The following MARCHF10 variants were observed in gnomAD, a reference collection of about 807,000 sequenced individuals.
The protein encoded by MARCHF10 is probable E3 ubiquitin-protein ligase MARCHF10.
In MARCHF10, 64 loss-of-function variants were observed where a neutral mutation model predicts 76.2. The observed-to-expected ratio is 0.84, with a 90% CI of 0.69 to 1.03. The LOEUF is 1.03. Among genes scored for constraint, MARCHF10 ranks in the 50% least tolerant of loss-of-function variants. The pLI is 0.00. For missense variants in MARCHF10, 875 were observed against 958.0 expected (o/e 0.91, Z 1.14); for synonymous variants, 340 against 357.5 (o/e 0.95, Z 0.55).
chr17:62,703,012 C>T (rs2089342913), intron 10 of MARCHF10, among the ~76,000 whole-genome samples: 1 of 152,204 alleles, frequency 6.6e-6, no homozygotes, highest in Admixed American at 6.5e-5. Flanking sequence ...CACCCCTTGT[C>T]TTGGTGACAC....
intron 4 of MARCHF10, among the ~76,000 whole-genome samples, chr17:62,755,605 C>G (rs937438501): frequency 6.6e-6 from 1 of 152,186 alleles, no homozygotes; most frequent in East Asian, 1.9e-4. Context: ...CCTACACCAG[C>G]GTTCATGATG....
chr17:62,764,561 TA>T (rs1300143972), intron 3 of MARCHF10, among the ~76,000 whole-genome samples: 1 of 152,188 alleles, frequency 6.6e-6, no homozygotes, highest in African/African-American at 2.4e-5. Context: ...CCTCAACCTT[TA>T]AACAGTGACA....
chr17:62,732,764 G>A (rs1388199762), intron 6 of MARCHF10, among the ~76,000 whole-genome samples: 1 of 152,022 alleles, frequency 6.6e-6, no homozygotes, highest in Non-Finnish European at 1.5e-5. Context: ...GGGATGAGGC[G>A]GGCTGATTGT....
At chr17:62,773,923 CAGA>C (rs963857895) in intron 3 of MARCHF10, among the ~76,000 whole-genome samples, 1 of 152,106 alleles carries the variant, frequency 6.6e-6, no homozygotes, top group Non-Finnish European at 1.5e-5. Flanking sequence ...GGATATGAGG[CAGA>C]AGATGATGGA....
chr17:62,742,526 G>T (rs1348022331), intron 5 of MARCHF10, among the ~76,000 whole-genome samples: 1 of 152,104 alleles, frequency 6.6e-6, no homozygotes, highest in Non-Finnish European at 1.5e-5. Context: ...GGGAGATAAG[G>T]AGCCACGGGT....
chr17:62,713,793 T>C (rs1599056596), intron 8 of MARCHF10, among the ~76,000 whole-genome samples: 1 of 151,816 alleles, frequency 6.6e-6, no homozygotes, highest in East Asian at 1.9e-4. Flanking sequence ...GAGTTCCCTT[T>C]GTGTGCCAGA....
intron 3 of MARCHF10, among the ~76,000 whole-genome samples, chr17:62,770,224 A>T (rs1422422306): frequency 6.6e-6 from 1 of 152,134 alleles, no homozygotes; most frequent in Non-Finnish European, 1.5e-5. Context: ...ACTGTGTAGT[A>T]CTCCATAGTG....
Position 62,722,557 on chromosome 17 carries a change from C to G in MARCHF10, c.2145G>C (p.Lys715Asn). Reference protein sequence around the residue: ...LGAVKTCEMCKQGLLVDLGDF... With the variant: ...LGAVKTCEMCNQGLLVDLGDF... ...CACCCAGGTCAACCAGCAGGCCTTGCTTACACATCTCACAGGTCTTCACGG... is the reference window on the plus strand; with the variant it reads ...CACCCAGGTCAACCAGCAGGCCTTGGTTACACATCTCACAGGTCTTCACGG... The change falls in exon 8 of 11, where the codon AAG (lysine) becomes AAC (asparagine). Residue 715 changes from lysine (K) to asparagine (N), a missense_variant. By Grantham distance (94) the Lys-to-Asn change is moderately conservative. Transcript: ENST00000311269. The G allele has an allele frequency of 6.2e-7, 1 of 1,613,960 alleles. No homozygotes were observed.
intron 1 of MARCHF10, among the ~76,000 whole-genome samples, chr17:62,803,928 A>G (rs1216731770): frequency 6.6e-6 from 1 of 152,152 alleles, no homozygotes; most frequent in African/African-American, 2.4e-5. Flanking sequence ...CTAGATCTCT[A>G]TTTCGCAGGT....
intron 3 of MARCHF10, among the ~76,000 whole-genome samples, chr17:62,764,658 C>CA (rs1599273346): frequency 6.6e-6 from 1 of 152,296 alleles, no homozygotes; most frequent in East Asian, 1.9e-4. Flanking sequence ...GCTTCAAACA[C>CA]AAAAACCACC....
At chr17:62,749,821 C>T (rs754132255) in intron 4 of MARCHF10, among the ~76,000 whole-genome samples, 5 of 152,206 alleles carry the variant, frequency 3.3e-5, no homozygotes, top group Admixed American at 6.5e-5. Flanking sequence ...GCCTTCAGAA[C>T]GGCCTGCCCC....
At chr17:62,802,823 C>T (rs1317942979) in intron 1 of MARCHF10, among the ~76,000 whole-genome samples, 1 of 152,148 alleles carries the variant, frequency 6.6e-6, no homozygotes, top group African/African-American at 2.4e-5. Context: ...GAAGGAACAG[C>T]CCCGGAAGGG....
At chr17:62,730,539 C>G (rs1243792253) in intron 6 of MARCHF10, among the ~76,000 whole-genome samples, 3 of 152,104 alleles carry the variant, frequency 2.0e-5, no homozygotes, top group Non-Finnish European at 4.4e-5. Context: ...TTAGTTGTCA[C>G]TGTTCTTTGA....
intron 8 of MARCHF10, among the ~76,000 whole-genome samples, chr17:62,716,267 A>C (rs2090190920): frequency 6.6e-6 from 1 of 152,038 alleles, no homozygotes; most frequent in South Asian, 2.1e-4. Context: ...AGTATCTCAC[A>C]GGCAGCAGGT....
chr17:62,804,165 G>A (rs2148227441), intron 1 of MARCHF10, among the ~76,000 whole-genome samples: 1 of 152,324 alleles, frequency 6.6e-6, no homozygotes, highest in South Asian at 2.1e-4. Context: ...CAGCCAGTGG[G>A]TTGGTGCCAG....
chr17:62,798,962 C>T (rs1261707882), intron 2 of MARCHF10, among the ~76,000 whole-genome samples: 3 of 152,058 alleles, frequency 2.0e-5, no homozygotes, highest in Non-Finnish European at 2.9e-5. Flanking sequence ...TAGCCTGGAG[C>T]GAATGGGAGG....
At chr17:62,770,489 G>A (rs911507703) in intron 3 of MARCHF10, among the ~76,000 whole-genome samples, 1 of 151,680 alleles carries the variant, frequency 6.6e-6, no homozygotes, top group Non-Finnish European at 1.5e-5. Context: ...CCCAGCAACA[G>A]TATGTAAGTG....
intron 4 of MARCHF10, among the ~76,000 whole-genome samples, 160 bp from the exon 5 acceptor site, chr17:62,744,688 A>G (rs2091639782): frequency 6.6e-6 from 1 of 152,156 alleles, no homozygotes; most frequent in African/African-American, 2.4e-5. Context: ...TGGATTTGAA[A>G]TCTGGTTTCA....
intron 2 of MARCHF10, among the ~76,000 whole-genome samples, chr17:62,798,366 A>C (rs564498098): frequency 6.6e-6 from 1 of 151,854 alleles, no homozygotes; most frequent in South Asian, 2.1e-4. Context: ...GCTCATGCCT[A>C]TAATCCCAGC....
Sources: gnomAD v4.1 joint callset for allele counts (sites outside exome capture counted in the v4.1 genomes callset) on GRCh38, gnomAD v4.1.1 for gene constraint, MANE v1.5 for transcripts, NCBI Gene and HGNC (gene_info 2026-07-23, HGNC 2026-07-21) for gene names.